Variants in PLIN3 observed in about 807,000 individuals in gnomAD.
The protein encoded by PLIN3 is perilipin-3.
Under a neutral mutation model 35.9 loss-of-function variants are expected in PLIN3, and 30 were observed. The ratio of observed to expected loss-of-function variants is 0.84; its 90% CI spans 0.62 to 1.13. The LOEUF is 1.13. PLIN3 is among the 50% of genes most tolerant of loss of function. The pLI is 0.00. For synonymous variants in PLIN3, 261 were observed against 262.5 expected, an observed-to-expected ratio of 0.99 and a Z score of 0.06; for missense variants, 603 against 596.9, an observed-to-expected ratio of 1.01 and a Z score of -0.11.
At position 4,859,677 on chromosome 19, in the gene PLIN3, C is replaced by G; in HGVS notation, c.266-5G>C. 1 of 1,613,884 alleles carries G rather than the reference C, an allele frequency of 6.2e-7. No individual in the cohort carries two copies. The highest frequency in any genetic ancestry group is 8.5e-7 in the Non-Finnish European group (1 of 1,179,788). ...CGTATTCGCTGGCTGATGCAACTGCCAACAACAATTAAGACGCAAATGTGA... is the reference window on the plus strand; with the variant it reads ...CGTATTCGCTGGCTGATGCAACTGCGAACAACAATTAAGACGCAAATGTGA... On this transcript the variant is annotated splice_region_variant and splice_polypyrimidine_tract_variant and intron_variant, in intron 3 of 7. Transcript: ENST00000221957.
chr19:4,855,940 A>G lies in PLIN3; in HGVS notation c.349-3639T>C, dbSNP rs72984137. 3.1e-3 allele frequency among the ~76,000 whole-genome samples: 462 copies of G among 148,128 alleles called. 6 individuals carry two copies. Among genetic ancestry groups the G allele is most frequent in the Non-Finnish European group, 4.0e-3 (270 of 67,232 alleles). ...ACCTTGTCTCAAAAAAAAAAAAAAA[A>G]TGCAAGTTGACAACCGCTCTGCTGT... On this transcript the variant is annotated intron_variant, in intron 4 of 7. Transcript: ENST00000221957.
At chr19:4,849,549 T>C (rs529955845) in intron 5 of PLIN3, among the ~76,000 whole-genome samples, 2 of 152,094 alleles carry the variant, frequency 1.3e-5, no homozygotes, top group Non-Finnish European at 2.9e-5. Flanking sequence ...TAACTAATCC[T>C]CCCACCAAAG....
chr19:4,866,076 G>A (rs1220602573), intron 1 of PLIN3, among the ~76,000 whole-genome samples: 4 of 149,570 alleles, frequency 2.7e-5, no homozygotes, highest in Non-Finnish European at 5.9e-5. Flanking sequence ...GGAATGCAGT[G>A]GCGTGATCTC....
In PLIN3 at chr19:4,839,482, C is replaced by T; in HGVS notation, c.1015G>A (p.Ala339Thr). 1 of 1,552,712 alleles carries T rather than the reference C, an allele frequency of 6.4e-7. No homozygotes were observed. The highest frequency in any genetic ancestry group is 8.7e-7 in the Non-Finnish European group (1 of 1,144,300). ...CTGGACCCCAGGGAGGTACAGGTGGCCTGCAGTTGCTGGGCAATGTCCCGG... is the reference window on the plus strand; with the variant it reads ...CTGGACCCCAGGGAGGTACAGGTGGTCTGCAGTTGCTGGGCAATGTCCCGG... ...MFRDIAQQLQ[A>T]TCTSLGSSIQ... is the part of the protein sequence containing the mutation. The change falls in exon 8 of 8, where the codon GCC becomes ACC. Residue 339 changes from alanine to threonine, a missense_variant. Ala to Thr is a moderately conservative substitution (Grantham distance 58). Coordinates refer to ENST00000221957, the MANE Select transcript of PLIN3 (RefSeq NM_005817.5).
chr19:4,847,983 T>G lies in PLIN3; in HGVS notation c.635-93A>C, dbSNP rs2030165963. 3 of 829,574 alleles carry G rather than the reference T, an allele frequency of 3.6e-6. No individual in the cohort carries two copies. The South Asian group carries it at 4.7e-5, about 13-fold the overall frequency. 51.4% of individuals were successfully genotyped at this position (829,574 alleles called of 1,614,324 possible). ...AGTCCCAAGAATCACACTGTCCAGT[T>G]TATTTATTTATTTATTTAGAGATGG... On this transcript the variant is annotated intron_variant, in intron 5 of 7. Coordinates refer to ENST00000221957, the MANE Select transcript of PLIN3 (RefSeq NM_005817.5).
At chr19:4,857,262 A>T (rs2030505371) in intron 4 of PLIN3, among the ~76,000 whole-genome samples, 1 of 151,828 alleles carries the variant, frequency 6.6e-6, no homozygotes, top group African/African-American at 2.4e-5. Context: ...ATATGGCGAG[A>T]CTCCGTCTTG....
At chr19:4,855,795 C>T (rs188842172) in intron 4 of PLIN3, among the ~76,000 whole-genome samples, 1 of 151,788 alleles carries the variant, frequency 6.6e-6, no homozygotes, top group Non-Finnish European at 1.5e-5. Flanking sequence ...TGGTGGTGCA[C>T]ACCTGTAGTC....
intron 7 of PLIN3, among the ~76,000 whole-genome samples, chr19:4,840,288 G>T (rs1313092056): frequency 1.3e-5 from 2 of 151,970 alleles, no homozygotes; most frequent in Admixed American, 6.6e-5. Flanking sequence ...ATTAGAAACA[G>T]GATCTCACTT....
intron 6 of PLIN3, 70 bp downstream of exon 6, chr19:4,847,621 G>C (rs1210558042): frequency 7.5e-7 from 1 of 1,338,800 alleles, no homozygotes; most frequent in Non-Finnish European, 1.0e-6. Context: ...ATAAGCCACT[G>C]AGCTCTGGGT....
In PLIN3 at chr19:4,856,472, C is replaced by T. The variant is rs576146406; in HGVS notation, c.348+3118G>A. On this transcript the variant is annotated intron_variant, in intron 4 of 7. Transcript: ENST00000221957. ...ACTCGGGAGGCTGAGGCAGGAGAAT[C>T]GCTTGAGCCCGAGAGGCGGAGGTTG... 2.6e-5 allele frequency among the ~76,000 whole-genome samples: 4 copies of T among 151,862 alleles called. No individual in the cohort carries two copies. In the East Asian group the frequency reaches 5.9e-4, roughly 23 times the overall value.
chr19:4,847,602 G>C lies in PLIN3; in HGVS notation c.834+89C>G. On this transcript the variant is annotated intron_variant, in intron 6 of 7. Transcript: ENST00000221957. ...GGAATGGCCCTGCCAGCCTGCAGAG[G>C]GGTGAGCAATAAGCCACTGAGCTCT... is the stretch of plus-strand genomic sequence containing the variant. 4.6e-6 allele frequency: 5 copies of C among 1,089,574 alleles called. No homozygotes were observed. The South Asian group carries it at 6.8e-5, about 15-fold the overall frequency. The allele number at this position is 1,089,574 out of a possible 1,614,324, so 67.5% of individuals were successfully genotyped here.
chr19:4,864,098 A>T (rs2030763304), intron 1 of PLIN3, among the ~76,000 whole-genome samples: 1 of 125,374 alleles, frequency 8.0e-6, no homozygotes, highest in Admixed American at 8.2e-5. Flanking sequence ...ACACCTGGCT[A>T]GTGTGTGTGT....
intron 2 of PLIN3, among the ~76,000 whole-genome samples, chr19:4,860,595 C>T (rs1195581374): frequency 1.3e-5 from 2 of 152,204 alleles, no homozygotes; most frequent in Non-Finnish European, 2.9e-5. Flanking sequence ...GTTCCATTCT[C>T]ATGGCAGTTA....
intron 7 of PLIN3, among the ~76,000 whole-genome samples, chr19:4,842,515 G>C (rs890982286): frequency 8.1e-5 from 12 of 147,502 alleles, no homozygotes; most frequent in Non-Finnish European, 1.8e-4. Context: ...CAGGAGAATC[G>C]CTTGAACCCG....
At chr19:4,858,815 C>T (rs2030568568) in intron 4 of PLIN3, among the ~76,000 whole-genome samples, 1 of 150,732 alleles carries the variant, frequency 6.6e-6, no homozygotes, top group South Asian at 2.1e-4. Context: ...AATTCTCCTG[C>T]CTCAGCCTCC....
At chr19:4,863,696 C>T (rs1374137615) in intron 1 of PLIN3, among the ~76,000 whole-genome samples, 3 of 150,552 alleles carry the variant, frequency 2.0e-5, no homozygotes, top group East Asian at 2.0e-4. Context: ...GTGCACGCCT[C>T]CATGTTTAGT....
At chr19:4,858,671 C>A (rs1481203247) in intron 4 of PLIN3, among the ~76,000 whole-genome samples, 1 of 148,742 alleles carries the variant, frequency 6.7e-6, no homozygotes, top group African/African-American at 2.5e-5. Context: ...CATGAGCCAC[C>A]GCGCCTGGCC....
At chr19:4,864,869 C>T (rs2030798342) in intron 1 of PLIN3, among the ~76,000 whole-genome samples, 2 of 152,128 alleles carry the variant, frequency 1.3e-5, no homozygotes. Context: ...GCCTTCCCCT[C>T]CTCTGGCCTC....
intron 1 of PLIN3, among the ~76,000 whole-genome samples, chr19:4,865,533 G>A (rs956235287): frequency 6.6e-6 from 1 of 151,650 alleles, no homozygotes; most frequent in Non-Finnish European, 1.5e-5. Flanking sequence ...TGTCTTATGG[G>A]CTGCTTTCCT....
Sources: gnomAD v4.1 joint callset for allele counts (sites outside exome capture counted in the v4.1 genomes callset) on GRCh38, gnomAD v4.1.1 for gene constraint, MANE v1.5 for transcripts, NCBI Gene and HGNC (gene_info 2026-07-23, HGNC 2026-07-21) for gene names.